TRIM49C: variants seen among roughly 807,000 people sequenced by gnomAD.
TRIM49C encodes the protein tripartite motif containing 49C.
Under a neutral mutation model 21.4 loss-of-function variants are expected in TRIM49C, and 6 were observed. The observed-to-expected ratio is 0.28, with a 90% CI of 0.15 to 0.55. The LOEUF (loss-of-function observed/expected upper bound fraction) is 0.55. Ranked by LOEUF, TRIM49C falls within the 20% of genes least tolerant of loss-of-function variation. The pLI is 0.94. For synonymous variants in TRIM49C, 57 were observed against 148.1 expected, an observed-to-expected ratio of 0.38 and a Z score of 4.47; for missense variants, 161 against 442.4, an observed-to-expected ratio of 0.36 and a Z score of 5.71.
the TRIM49C span, chr11:90,061,920 G>T: frequency 1.2e-4 from 38 of 318,032 alleles, 4 homozygotes; most frequent in South Asian, 1.3e-3. Flanking sequence ...AGCCAACTTT[G>T]TGTTTATTTG....
the TRIM49C span, among the ~76,000 whole-genome samples, chr11:90,047,287 CT>C: frequency 3.0e-5 from 3 of 99,986 alleles, no homozygotes; most frequent in Admixed American, 3.7e-4. Context: ...ATTAGGTCTG[CT>C]TGGTGCAGAG....
At chr11:90,038,172 T>A (rs1385970601) in intron 5 of TRIM49C, among the ~76,000 whole-genome samples, 193 bp downstream of exon 5, 2 of 124,242 alleles carry the variant, frequency 1.6e-5, no homozygotes, top group African/African-American at 6.4e-5. Flanking sequence ...TCCCTCCTAC[T>A]TTATCCACCA....
At chr11:90,067,775 TAAGAAAATAAA>T in the TRIM49C span, among the ~76,000 whole-genome samples, 2 of 139,764 alleles carry the variant, frequency 1.4e-5, no homozygotes, top group East Asian at 4.3e-4. Context: ...AAGAAGATAT[TAAGAAAATAAA>T]AAGAAAATAT....
rs1353779157 is a variant in TRIM49C at position 90,041,243 on chromosome 11, G to A, written c.1052G>A (p.Trp351Ter). The A allele has an allele frequency of 6.3e-7, 1 of 1,582,744 alleles. No individual in the cohort carries two copies. The highest frequency in any genetic ancestry group is 8.6e-7 in the Non-Finnish European group (1 of 1,160,888). Residue 351 changes from tryptophan (W) to a stop codon, truncating the protein, a stop_gained, in exon 8 of 8, where the codon TGG (tryptophan) becomes TAG (stop). Coordinates refer to ENST00000448984, the MANE Select transcript of TRIM49C (RefSeq NM_001195234.1). LOFTEE classifies it low-confidence loss of function (END_TRUNC). The part of the protein sequence containing the change: ...YYWEVHVGDS[W>*]NWAFGVCNMY... ...TGGGAGGTCCATGTAGGGGACTCCT[G>A]GAATTGGGCTTTTGGTGTCTGTAAT...
chr11:90,052,454 G>A, the TRIM49C span: 1 of 174,394 alleles, frequency 5.7e-6, no homozygotes, highest in African/African-American at 2.5e-5. Context: ...CGGTCCTCTG[G>A]GCCACGCACG....
At chr11:90,042,201 CA>C (rs1428330876), downstream of TRIM49C, among the ~76,000 whole-genome samples, 1 of 146,110 alleles carries the variant, frequency 6.8e-6, no homozygotes, top group Non-Finnish European at 1.5e-5. Flanking sequence ...TCAAACCATA[CA>C]CAGTCATTTC....
At chr11:90,036,745 A>G (rs1950730158) in intron 4 of TRIM49C, among the ~76,000 whole-genome samples, 1 of 138,680 alleles carries the variant, frequency 7.2e-6, no homozygotes, top group South Asian at 2.5e-4. Context: ...GTAAAGAAGA[A>G]AGGAAGCACC....
In TRIM49C at chr11:90,039,658, G is replaced by T. The variant is rs191119953; in HGVS notation, c.762-207G>T. On this transcript the variant is annotated intron_variant, in intron 6 of 7. Transcript: ENST00000448984. ...ACATTTGGAGCAAAAAAAAAAGAAG[G>T]ATCAGATTGGATTCTGGCTTAGATT... Among the ~76,000 whole-genome samples, 643 of 133,422 alleles carry T rather than the reference G, an allele frequency of 4.8e-3. 54 individuals carry two copies. The highest frequency in any genetic ancestry group is 0.016 in the African/African-American group (602 of 36,796). The allele number at this position is 133,422 out of a possible 152,430, so 87.5% of individuals were successfully genotyped here.
At position 90,034,701 on chromosome 11, in the gene TRIM49C, T is replaced by C. The variant is rs1392475467; in HGVS notation, c.-4-507T>C. On this transcript the variant is annotated intron_variant, in intron 2 of 7. Transcript: ENST00000448984. ...CTGCAGGACTTGCAGGCTTGTTATG[T>C]AGATAAACTTGTGCCATGGTGGTTT... Among the ~76,000 whole-genome samples, 6 of 131,920 alleles carry C rather than the reference T, an allele frequency of 4.5e-5. 1 individual carries two copies. Among genetic ancestry groups the C allele is most frequent in the African/African-American group, 1.1e-4 (4 of 35,470 alleles). 86.5% of individuals were successfully genotyped at this position (131,920 alleles called of 152,430 possible).
intron 6 of TRIM49C, among the ~76,000 whole-genome samples, chr11:90,039,043 C>T (rs1304465117): frequency 7.3e-6 from 1 of 136,300 alleles, no homozygotes; most frequent in Non-Finnish European, 1.6e-5. Flanking sequence ...CCTCAGCCTC[C>T]CGAGTACCCG....
chr11:90,037,110 T>C (rs1950734163), intron 4 of TRIM49C, among the ~76,000 whole-genome samples: 1 of 134,842 alleles, frequency 7.4e-6, no homozygotes, highest in Non-Finnish European at 1.6e-5. Context: ...TGTGTGTGTT[T>C]GTATACATAT....
chr11:90,071,609 G>T, the TRIM49C span: 10 of 681,058 alleles, frequency 1.5e-5, no homozygotes, highest in South Asian at 1.4e-4. Context: ...AATATCAGAA[G>T]TGGTTTGAAT....
the TRIM49C span, among the ~76,000 whole-genome samples, chr11:90,069,416 A>C: frequency 7.6e-6 from 1 of 131,398 alleles, no homozygotes; most frequent in Non-Finnish European, 1.6e-5. Context: ...TGCCTGGCCC[A>C]AAATTGAATT....
At chr11:90,039,087 T>C (rs571975227) in intron 6 of TRIM49C, among the ~76,000 whole-genome samples, 1 of 134,448 alleles carries the variant, frequency 7.4e-6, no homozygotes, top group African/African-American at 2.7e-5. Flanking sequence ...ACCCGGCTAA[T>C]TTTTTGTATT....
chr11:90,039,144 C>T (rs1437336629), intron 6 of TRIM49C, among the ~76,000 whole-genome samples: 1 of 132,856 alleles, frequency 7.5e-6, no homozygotes, highest in Non-Finnish European at 1.6e-5. Flanking sequence ...TGGTCTCTAT[C>T]TCCTGACCCC....
rs1243771578 is a variant in TRIM49C, at chr11:90,041,323, T to C, written c.1132T>C (p.Phe378Leu). The C allele has an allele frequency of 6.3e-6, 10 of 1,590,222 alleles. 2 individuals carry two copies. The highest frequency in any genetic ancestry group is 7.7e-6 in the Non-Finnish European group (9 of 1,165,102). Residue 378 changes from phenylalanine to leucine, a missense_variant, in exon 8 of 8, where the codon TTT becomes CTT. Around this residue, in one of 3 missense-constraint regions of TRIM49C, gnomAD observed 63 missense variants for 67.6 expected, o/e 0.93. Transcript: ENST00000448984. ...NEKIDGKEGL[F>L]LLGCIKNDIQ... is the part of the protein sequence containing the mutation. ...GAAGATAGATGGAAAGGAGGGACTC[T>C]TTCTTCTTGGGTGTATTAAGAATGA... is the stretch of plus-strand genomic sequence containing the variant.
At chr11:90,036,759 G>A (rs1448362292) in intron 4 of TRIM49C, among the ~76,000 whole-genome samples, 2 of 138,304 alleles carry the variant, frequency 1.4e-5, no homozygotes, top group Non-Finnish European at 3.1e-5. Context: ...AAGCACCTTT[G>A]TCCTCACAAA....
chr11:90,064,790 C>T, the TRIM49C span, among the ~76,000 whole-genome samples: 2 of 150,276 alleles, frequency 1.3e-5, no homozygotes, highest in African/African-American at 4.9e-5. Context: ...ACCATGTTGG[C>T]CAGGCTGGTG....
chr11:90,069,347 C>T, the TRIM49C span, among the ~76,000 whole-genome samples: 3 of 129,500 alleles, frequency 2.3e-5, no homozygotes, highest in Admixed American at 1.8e-4. Flanking sequence ...CTCCTGACGT[C>T]GTGATCCGCC....
Sources: gnomAD v4.1 joint callset for allele counts (sites outside exome capture counted in the v4.1 genomes callset) on GRCh38, gnomAD v4.1.1 for gene constraint, gnomAD v4.1.1 regional missense constraint, MANE v1.5 for transcripts, NCBI Gene and HGNC (gene_info 2026-07-23, HGNC 2026-07-21) for gene names.